KCNIP4: variants seen among roughly 807,000 people sequenced by gnomAD.
The protein encoded by KCNIP4 is potassium voltage-gated channel interacting protein 4.
A neutral mutation model predicts 34.0 loss-of-function variants in KCNIP4; 12 were observed. The observed-to-expected ratio is 0.35, with a 90% CI of 0.23 to 0.57. The LOEUF (loss-of-function observed/expected upper bound fraction) is 0.57, where lower values mean the gene tolerates loss of function less well. KCNIP4 is among the 20% of genes least tolerant of loss of function. The pLI, the probability that KCNIP4 is intolerant of heterozygous loss-of-function variation, is 0.83. For synonymous variants in KCNIP4, 124 were observed against 102.2 expected (o/e 1.21, Z -1.29); for missense variants, 238 against 311.7 (o/e 0.76, Z 1.78).
chr4:21,546,731 C>T (rs1054290583), intron 1 of KCNIP4, among the ~76,000 whole-genome samples: 2 of 151,982 alleles, frequency 1.3e-5, no homozygotes, highest in Admixed American at 6.6e-5. Flanking sequence ...ATTATTGTCT[C>T]TAACAAGTTA....
intron 1 of KCNIP4, among the ~76,000 whole-genome samples, chr4:21,683,642 G>A (rs1750573702): frequency 6.6e-6 from 1 of 150,918 alleles, no homozygotes; most frequent in South Asian, 2.1e-4. Context: ...CTAATTTTTT[G>A]TATCTTTTAG....
intron 1 of KCNIP4, among the ~76,000 whole-genome samples, chr4:21,467,642 A>G (rs1164724270): frequency 6.6e-6 from 1 of 152,180 alleles, no homozygotes; most frequent in African/African-American, 2.4e-5. Flanking sequence ...ACACGCCAAG[A>G]CATGATAAGA....
At chr4:21,010,990 G>T (rs1739014934) in intron 1 of KCNIP4, among the ~76,000 whole-genome samples, 1 of 152,128 alleles carries the variant, frequency 6.6e-6, no homozygotes, top group South Asian at 2.1e-4. Flanking sequence ...AACATAACCT[G>T]CACATATGTC....
rs575702205 is a variant in KCNIP4 at position 21,874,942 on chromosome 4, C to T, written c.61+73629G>A. ...AGAGGGTAGGAATTGATGTGGTTCT[C>T]GAACTCTTATTGCTGGGAAGGAGGC... On this transcript the variant is annotated intron_variant, in intron 1 of 8. Transcript: ENST00000382152. Among the ~76,000 whole-genome samples the T allele has an allele frequency of 1.1e-4, 17 of 152,194 alleles. No individual in the cohort carries two copies. The East Asian group carries it at 3.1e-3, about 28-fold the overall frequency.
chr4:21,448,351 A>G (rs1311931939), intron 1 of KCNIP4, among the ~76,000 whole-genome samples: 1 of 152,158 alleles, frequency 6.6e-6, no homozygotes, highest in East Asian at 1.9e-4. Context: ...GCTCAAAAGA[A>G]AATGAGAAAC....
chr4:21,789,356 T>A (rs10938856), intron 1 of KCNIP4, among the ~76,000 whole-genome samples: 148,718 of 152,252 alleles, frequency 0.98, 72,731 homozygotes, highest in East Asian at 1. Context: ...ACAATTTATC[T>A]CTAATAGAAG....
chr4:21,290,004 G>A (rs961845803), intron 1 of KCNIP4, among the ~76,000 whole-genome samples: 3 of 152,014 alleles, frequency 2.0e-5, no homozygotes, highest in African/African-American at 7.2e-5. Flanking sequence ...GCTTCTCTTA[G>A]CAGGTACAAA....
At chr4:21,212,653 G>T (rs576615561) in intron 1 of KCNIP4, among the ~76,000 whole-genome samples, 2 of 152,102 alleles carry the variant, frequency 1.3e-5, no homozygotes, top group Admixed American at 6.6e-5. Flanking sequence ...TCTGGTGAGG[G>T]CCCATTTCCT....
At chr4:21,169,608 TTCTC>T (rs1753862880) in intron 1 of KCNIP4, among the ~76,000 whole-genome samples, 1 of 151,852 alleles carries the variant, frequency 6.6e-6, no homozygotes, top group Non-Finnish European at 1.5e-5. Flanking sequence ...GTCTTGGAAA[TTCTC>T]TATTTGGTTT....
At chr4:21,833,383 T>C (rs1275955774) in intron 1 of KCNIP4, among the ~76,000 whole-genome samples, 1 of 152,212 alleles carries the variant, frequency 6.6e-6, no homozygotes, top group Non-Finnish European at 1.5e-5. Context: ...GCTGCATAAA[T>C]GTCTTCTTTT....
intron 1 of KCNIP4, among the ~76,000 whole-genome samples, chr4:21,920,598 T>C (rs1020748598): frequency 6.6e-6 from 1 of 152,124 alleles, no homozygotes; most frequent in Non-Finnish European, 1.5e-5. Flanking sequence ...AAATCACCTG[T>C]ACCCCAACCT....
intron 1 of KCNIP4, among the ~76,000 whole-genome samples, chr4:21,393,256 G>T (rs758379729): frequency 2.6e-5 from 4 of 152,144 alleles, no homozygotes; most frequent in Non-Finnish European, 5.9e-5. Flanking sequence ...CAAGTCAAAA[G>T]TGGTTAAATG....
intron 1 of KCNIP4, among the ~76,000 whole-genome samples, chr4:21,000,639 C>T (rs149497811): frequency 0.01 from 1,535 of 151,902 alleles, 26 homozygotes; most frequent in African/African-American, 0.035. Flanking sequence ...GAGCCAAGAT[C>T]GCGCTGTTGC....
intron 5 of KCNIP4, among the ~76,000 whole-genome samples, chr4:20,740,210 A>T (rs570166782): frequency 6.6e-6 from 1 of 152,168 alleles, no homozygotes; most frequent in Admixed American, 6.5e-5. Flanking sequence ...TCAGGCCAAC[A>T]TTCAAATTCA....
chr4:21,566,906 G>C (rs1161645410), intron 1 of KCNIP4, among the ~76,000 whole-genome samples: 8 of 152,034 alleles, frequency 5.3e-5, no homozygotes, highest in Non-Finnish European at 1.2e-4. Flanking sequence ...AAGCCAAACT[G>C]CAAAAGGTAA....
chr4:21,443,561 AG>A (rs549982899), intron 1 of KCNIP4, among the ~76,000 whole-genome samples: 63 of 152,304 alleles, frequency 4.1e-4, no homozygotes, highest in African/African-American at 1.4e-3. Context: ...GCAATGACAA[AG>A]GTTTTCTGCA....
intron 1 of KCNIP4, among the ~76,000 whole-genome samples, chr4:21,496,201 T>G (rs532434153): frequency 5.4e-4 from 82 of 152,252 alleles, no homozygotes; most frequent in African/African-American, 1.8e-3. Context: ...CTAAGGTGAT[T>G]GAGAGTGAGA....
chr4:21,077,339 G>A (rs956823636), intron 1 of KCNIP4, among the ~76,000 whole-genome samples: 1 of 152,036 alleles, frequency 6.6e-6, no homozygotes, highest in African/African-American at 2.4e-5. Flanking sequence ...TAAAATATTT[G>A]AAGAAGTTAC....
intron 1 of KCNIP4, among the ~76,000 whole-genome samples, chr4:21,132,747 G>A (rs553645646): frequency 7.3e-5 from 11 of 151,544 alleles, no homozygotes; most frequent in Admixed American, 5.9e-4. Flanking sequence ...GGTGGCTCAC[G>A]CCTGTAATCC....
Sources: gnomAD v4.1 joint callset for allele counts (sites outside exome capture counted in the v4.1 genomes callset) on GRCh38, gnomAD v4.1.1 for gene constraint, MANE v1.5 for transcripts, NCBI Gene and HGNC (gene_info 2026-07-23, HGNC 2026-07-21) for gene names.